FRMD6: variants seen among roughly 807,000 people sequenced by gnomAD.
FRMD6 encodes FERM domain-containing protein 6.
A neutral mutation model predicts 73.2 loss-of-function variants in FRMD6; 37 were observed. The observed-to-expected ratio is 0.51, with a 90% CI of 0.39 to 0.66. The LOEUF (loss-of-function observed/expected upper bound fraction) is 0.66. Among genes scored for constraint, FRMD6 ranks in the 30% least tolerant of loss-of-function variants. FRMD6 has a pLI of 0.00. For missense variants in FRMD6, 714 were observed against 780.5 expected (o/e 0.91, Z 1.02); for synonymous variants, 273 against 282.2 (o/e 0.97, Z 0.33).
the FRMD6 span, among the ~76,000 whole-genome samples, chr14:51,477,073 T>C: frequency 3.9e-5 from 6 of 152,212 alleles, no homozygotes; most frequent in Admixed American, 1.3e-4. Flanking sequence ...AGAAACAATG[T>C]TCAAACATAT....
chr14:51,614,149 A>G (rs932342979), intron 2 of FRMD6, among the ~76,000 whole-genome samples: 2 of 152,188 alleles, frequency 1.3e-5, no homozygotes, highest in Admixed American at 1.3e-4. Context: ...GGATTCTCAT[A>G]GCTCATGAAA....
chr14:51,477,079 C>T, the FRMD6 span, among the ~76,000 whole-genome samples: 2 of 152,198 alleles, frequency 1.3e-5, no homozygotes, highest in Non-Finnish European at 2.9e-5. Flanking sequence ...AATGTTCAAA[C>T]ATATGGCAGA....
chr14:51,729,129 C>T lies in FRMD6; in HGVS notation c.*1100C>T, dbSNP rs200846457. On this transcript the variant is annotated 3_prime_UTR_variant, in exon 14 of 14. Transcript: ENST00000344768. ...CTCATGTGCCTTTGGCCATGATTCT[C>T]AACACTGATTGTATAACAGAATTTT... is the stretch of plus-strand genomic sequence containing the variant. 6.6e-6 allele frequency: 1 copy of T among 152,134 alleles called. No homozygotes were observed. 9.4% of individuals were successfully genotyped at this position (152,134 alleles called of 1,614,324 possible).
intron 1 of FRMD6, among the ~76,000 whole-genome samples, chr14:51,564,346 CTACAATAATGAA>C (rs1208509353): frequency 2.6e-5 from 4 of 152,120 alleles, no homozygotes; most frequent in Non-Finnish European, 5.9e-5. Context: ...AGTTTCCTGT[CTACAATAATGAA>C]TTTGGGCAGA....
chr14:51,466,860 A>G, the FRMD6 span, among the ~76,000 whole-genome samples: 1 of 152,228 alleles, frequency 6.6e-6, no homozygotes, highest in African/African-American at 2.4e-5. Flanking sequence ...GAGTCTTCCA[A>G]TTCATTAATG....
intron 1 of FRMD6, among the ~76,000 whole-genome samples, chr14:51,564,064 C>T (rs139630069): frequency 5.9e-4 from 90 of 152,282 alleles, no homozygotes; most frequent in African/African-American, 2.1e-3. Flanking sequence ...TATTACAGCT[C>T]TGGTCACTAT....
the FRMD6 span, among the ~76,000 whole-genome samples, chr14:51,469,988 C>A: frequency 2.0e-5 from 3 of 152,118 alleles, no homozygotes; most frequent in East Asian, 5.8e-4. Flanking sequence ...AGACACAGGG[C>A]TATTCAGATG....
At chr14:51,447,104 G>A in the FRMD6 span, among the ~76,000 whole-genome samples, 1 of 152,174 alleles carries the variant, frequency 6.6e-6, no homozygotes, top group Non-Finnish European at 1.5e-5. Flanking sequence ...GGACTCACAA[G>A]GAATCCTTTA....
At chr14:51,463,798 T>C in the FRMD6 span, among the ~76,000 whole-genome samples, 1 of 152,216 alleles carries the variant, frequency 6.6e-6, no homozygotes, top group East Asian at 1.9e-4. Context: ...ATAAATGTTT[T>C]CCTGAGTTTT....
At chr14:51,672,615 T>C (rs1894090721) in intron 1 of FRMD6, among the ~76,000 whole-genome samples, 1 of 152,200 alleles carries the variant, frequency 6.6e-6, no homozygotes, top group South Asian at 2.1e-4. Flanking sequence ...TTGGAGCTTA[T>C]GGTGAGAAAT....
intron 1 of FRMD6, among the ~76,000 whole-genome samples, chr14:51,497,100 A>T (rs773497280): frequency 4.6e-5 from 7 of 152,218 alleles, no homozygotes; most frequent in Non-Finnish European, 7.3e-5. Context: ...TAATTGGTCC[A>T]TAGTAATTCT....
chr14:51,485,360 C>T (rs565777157), upstream of FRMD6, among the ~76,000 whole-genome samples: 1 of 152,258 alleles, frequency 6.6e-6, no homozygotes, highest in South Asian at 2.1e-4. Flanking sequence ...TACCCTAATC[C>T]AATAGGACCT....
At chr14:51,709,696 TTTTA>T (rs1333124101) in intron 7 of FRMD6, among the ~76,000 whole-genome samples, 1 of 152,110 alleles carries the variant, frequency 6.6e-6, no homozygotes, top group African/African-American at 2.4e-5. Context: ...CCTGAAGAGA[TTTTA>T]TTTGTGACAC....
At chr14:51,497,231 T>A (rs951827051) in intron 1 of FRMD6, among the ~76,000 whole-genome samples, 1 of 148,404 alleles carries the variant, frequency 6.7e-6, no homozygotes, top group African/African-American at 2.5e-5. Context: ...TCTTCTGAAA[T>A]AACTTTTTTT....
the FRMD6 span, among the ~76,000 whole-genome samples, chr14:51,457,827 G>A: frequency 1.3e-5 from 2 of 152,202 alleles, no homozygotes; most frequent in Non-Finnish European, 2.9e-5. Flanking sequence ...CTGTGACGGT[G>A]TGTTTTCATC....
chr14:51,608,049 T>C (rs1198311342), intron 2 of FRMD6, among the ~76,000 whole-genome samples: 1 of 113,598 alleles, frequency 8.8e-6, no homozygotes, highest in Non-Finnish European at 2.2e-5. Flanking sequence ...AGAAAACCAT[T>C]ATTCCCAAAC....
At chr14:51,681,341 T>C (rs1894781655) in intron 1 of FRMD6, among the ~76,000 whole-genome samples, 1 of 152,176 alleles carries the variant, frequency 6.6e-6, no homozygotes, top group African/African-American at 2.4e-5. Context: ...ACAACAGTGC[T>C]TCCACTTGCT....
At chr14:51,595,298 C>T (rs150090609) in intron 2 of FRMD6, among the ~76,000 whole-genome samples, 10 of 152,322 alleles carry the variant, frequency 6.6e-5, no homozygotes, top group African/African-American at 2.2e-4. Context: ...GAACTCAAAT[C>T]TGTACCCTGG....
rs369811499 is a variant in FRMD6, at chr14:51,585,960, T to TATATATATATATATATATATAA, written c.-147+15551_-147+15552insTATATATATATATATATATAAA. Among the ~76,000 whole-genome samples, 493 of 90,812 alleles carry TATATATATATATATATATATAA rather than the reference T, an allele frequency of 5.4e-3. 15 individuals are homozygous for TATATATATATATATATATATAA. The highest frequency in any genetic ancestry group is 0.012 in the East Asian group (27 of 2,334). The allele number at this position is 90,812 out of a possible 152,430, so 59.6% of individuals were successfully genotyped here. A position where few individuals can be genotyped will look rare whatever the true frequency, so the allele number is the denominator to read the frequency against. ...GTGTGTATATATATATATATATATA[T>TATATATATATATATATATATAA]AACATTTTCTTTATCAAACCTTTGT... On this transcript the variant is annotated intron_variant, in intron 2 of 14. Coordinates refer to the FRMD6 transcript ENST00000356218.
Sources: gnomAD v4.1 joint callset for allele counts (sites outside exome capture counted in the v4.1 genomes callset) on GRCh38, gnomAD v4.1.1 for gene constraint, MANE v1.5 for transcripts, NCBI Gene and HGNC (gene_info 2026-07-23, HGNC 2026-07-21) for gene names.